Variants in PRPF3 observed in about 807,000 individuals in gnomAD.
PRPF3 encodes the protein pre-mRNA processing factor 3.
PRPF3 carries 3 observed loss-of-function variants against 89.2 expected under a neutral mutation model. The observed-to-expected ratio is 0.03, with a 90% CI of 0.02 to 0.09. The LOEUF (loss-of-function observed/expected upper bound fraction) is 0.09, where lower values mean the gene tolerates loss of function less well. Ranked by LOEUF, PRPF3 falls within the 10% of genes least tolerant of loss-of-function variation. The probability of loss-of-function intolerance (pLI) is 1.00; values close to 1 mark genes in which losing one functional copy is unlikely to be tolerated. For synonymous variants in PRPF3, 270 were observed against 289.1 expected (o/e 0.93, Z 0.67); for missense variants, 463 against 828.8 (o/e 0.56, Z 5.42).
At position 150,339,434 on chromosome 1, in the gene PRPF3, AT is replaced by A. The variant is rs1191592185; in HGVS notation, c.1203-948del. Among the ~76,000 whole-genome samples the A allele has an allele frequency of 7.6e-3, 1,034 of 136,280 alleles. 5 individuals are homozygous for A. The highest frequency in any genetic ancestry group is 0.011 in the Non-Finnish European group (719 of 62,712). The allele number at this position is 136,280 out of a possible 152,430, so 89.4% of individuals were successfully genotyped here. ...AGCTTTAAATATATCTGCTCCATCC[AT>A]TTTTTTTTTTTTTTTCCTGAGACGG... is the stretch of plus-strand genomic sequence containing the variant. On this transcript the variant is annotated intron_variant, in intron 8 of 15. Coordinates refer to ENST00000324862, the MANE Select transcript of PRPF3 (RefSeq NM_004698.4).
chr1:150,324,015 G>A lies in PRPF3; in HGVS notation c.-48-880G>A, dbSNP rs1295204144. 7.2e-5 allele frequency among the ~76,000 whole-genome samples: 11 copies of A among 151,898 alleles called. No individual in the cohort carries two copies. In the East Asian group the frequency reaches 7.8e-4, roughly 11 times the overall value. Reference sequence around the variant, plus strand: ...AGGCTGGTCTTGAACTCCTGACCTCGTGATCCACCTGCCTCAGCCTCCCAA... The same window carrying A: ...AGGCTGGTCTTGAACTCCTGACCTCATGATCCACCTGCCTCAGCCTCCCAA... On this transcript the variant is annotated intron_variant, in intron 1 of 15. Coordinates refer to ENST00000324862, the MANE Select transcript of PRPF3 (RefSeq NM_004698.4).
intron 9 of PRPF3, 56 bp from the exon 10 acceptor site, chr1:150,343,253 A>G (rs1257918854): frequency 9.0e-6 from 9 of 1,004,848 alleles, no homozygotes; most frequent in Non-Finnish European, 1.1e-5. Flanking sequence ...AAAAAAATAT[A>G]TATATATATA....
chr1:150,327,764 C>G, intron 3 of PRPF3: 1 of 416,912 alleles, frequency 2.4e-6, no homozygotes, highest in Non-Finnish European at 3.2e-6. Flanking sequence ...TTGATGAAAA[C>G]AAAGTGTTAA....
chr1:150,340,269 G>T, intron 8 of PRPF3, 129 bp from the exon 9 acceptor site: 1 of 695,074 alleles, frequency 1.4e-6, no homozygotes. Context: ...GTACCTAAAT[G>T]CTATTTTAGG....
chr1:150,328,953 G>C (rs1656026049), intron 4 of PRPF3, among the ~76,000 whole-genome samples: 1 of 151,896 alleles, frequency 6.6e-6, no homozygotes, highest in Non-Finnish European at 1.5e-5. Context: ...TCGCCTCCCA[G>C]AGTGCTGGGA....
At chr1:150,335,361 C>G in intron 7 of PRPF3, 120 bp downstream of exon 7, 1 of 1,233,082 alleles carries the variant, frequency 8.1e-7, no homozygotes, top group East Asian at 2.5e-5. Flanking sequence ...CAGCAGTCCT[C>G]AACCTTTTTG....
intron 1 of PRPF3, among the ~76,000 whole-genome samples, chr1:150,323,173 C>CCTTT (rs1655276266): frequency 2.1e-5 from 1 of 48,270 alleles, no homozygotes; most frequent in African/African-American, 9.7e-5. Context: ...CCGCACCTGG[C>CCTTT]TTTTTTTTTT....
intron 9 of PRPF3, among the ~76,000 whole-genome samples, chr1:150,340,852 G>T (rs781788964): frequency 9.2e-5 from 14 of 152,084 alleles, no homozygotes; most frequent in Non-Finnish European, 1.5e-4. Context: ...GCTTATGCCT[G>T]TAATCACTGC....
intron 3 of PRPF3, chr1:150,327,513 C>G: frequency 1.0e-6 from 1 of 956,812 alleles, no homozygotes; most frequent in Non-Finnish European, 1.2e-6. Context: ...AGGTCCCCAC[C>G]CCACACAATA....
Position 150,335,775 on chromosome 1 carries a change from T to TTG in PRPF3, c.1035+534_1035+535insTG, listed in dbSNP as rs1240296099. On this transcript the variant is annotated intron_variant, in intron 7 of 15. Coordinates refer to ENST00000324862, the MANE Select transcript of PRPF3 (RefSeq NM_004698.4). ...CCACCGCCCCCGCCTTTTTTTTTTT[T>TTG]GGGCGGGGAGGGGGATGGAGTCTTG... 8.8e-3 allele frequency among the ~76,000 whole-genome samples: 1,311 copies of TTG among 149,364 alleles called. 28 individuals carry two copies. The highest frequency in any genetic ancestry group is 0.03 in the African/African-American group (1,230 of 40,432).
At chr1:150,342,863 CT>C (rs1553871723) in intron 9 of PRPF3, among the ~76,000 whole-genome samples, 6 of 152,056 alleles carry the variant, frequency 3.9e-5, no homozygotes, top group Admixed American at 3.3e-4. Flanking sequence ...AGAGTTGGGT[CT>C]CACTTGGTTG....
rs71083901 is a variant in PRPF3, at chr1:150,323,173, C to CTTTTTTTTTTT, written c.-49+1595_-49+1605dup. Among the ~76,000 whole-genome samples, 148 of 48,288 alleles carry CTTTTTTTTTTT rather than the reference C, an allele frequency of 3.1e-3. 42 individuals carry two copies. Among genetic ancestry groups the CTTTTTTTTTTT allele is most frequent in the South Asian group, 3.4e-3 (3 of 872 alleles). The allele number at this position is 48,288 out of a possible 152,430, so 31.7% of individuals were successfully genotyped here. A position where few individuals can be genotyped will look rare whatever the true frequency, so the allele number is the denominator to read the frequency against. ...TACAGGCGTGAGCCACCGCACCTGGCTTTTTTTTTTTTTTTTTTTTTTTTG... is the reference window on the plus strand; with the variant it reads ...TACAGGCGTGAGCCACCGCACCTGGCTTTTTTTTTTTTTTTTTTTTTTTTTTTTTTTTTTTG... On this transcript the variant is annotated intron_variant, in intron 1 of 15. Coordinates refer to ENST00000324862, the MANE Select transcript of PRPF3 (RefSeq NM_004698.4).
At position 150,343,325 on chromosome 1, in the gene PRPF3, A is replaced by C; in HGVS notation, c.1299A>C (p.Pro433=). ...QLNPPVDNDT[P]VTLGVYLTKK... Reference sequence around the variant, plus strand: ...GCCTGACAGTTGACAATGACACACCAGTTACTCTGGGAGTATATCTTACCA... The same window carrying C: ...GCCTGACAGTTGACAATGACACACCCGTTACTCTGGGAGTATATCTTACCA... The change falls in exon 10 of 16, where the codon CCA becomes CCC. Residue 433 remains proline, a synonymous_variant. Transcript: ENST00000324862. 2 of 1,611,640 alleles carry C rather than the reference A, an allele frequency of 1.2e-6. No homozygotes were observed. The highest frequency in any genetic ancestry group is 1.7e-6 in the Non-Finnish European group (2 of 1,179,196).
At position 150,337,553 on chromosome 1, in the gene PRPF3, G is replaced by A. The variant is rs1484369864; in HGVS notation, c.1036-607G>A. ...TTTGGGATTCTTGGCCGAGGTGGGC[G>A]AATCACTAGGTCAGGAGATCGAGAC... is the stretch of plus-strand genomic sequence containing the variant. On this transcript the variant is annotated intron_variant, in intron 7 of 15. Transcript: ENST00000324862. Among the ~76,000 whole-genome samples the A allele has an allele frequency of 4.0e-5, 6 of 151,360 alleles. No individual in the cohort carries two copies. The South Asian group carries it at 8.4e-4, about 21-fold the overall frequency.
intron 15 of PRPF3, 30 bp from the exon 16 acceptor site, chr1:150,352,803 A>C (rs1553874693): frequency 6.2e-7 from 1 of 1,607,722 alleles, no homozygotes; most frequent in East Asian, 2.2e-5. Context: ...TAAGAAATTG[A>C]AGTGTTTTTA....
intron 6 of PRPF3, among the ~76,000 whole-genome samples, chr1:150,333,540 C>G (rs1195444838): frequency 6.6e-6 from 1 of 152,132 alleles, no homozygotes; most frequent in East Asian, 1.9e-4. Context: ...GCGTGGGTGA[C>G]AGAGGGAGAC....
intron 1 of PRPF3, among the ~76,000 whole-genome samples, chr1:150,323,769 A>G (rs1388785905): frequency 1.4e-5 from 2 of 138,250 alleles, no homozygotes; most frequent in Non-Finnish European, 3.0e-5. Context: ...GAGAAATGTG[A>G]CAGAACATTC....
chr1:150,334,400 T>C (rs1213379393), intron 6 of PRPF3, among the ~76,000 whole-genome samples: 1 of 152,158 alleles, frequency 6.6e-6, no homozygotes, highest in African/African-American at 2.4e-5. Flanking sequence ...GGAGTCTCAC[T>C]CTGTCACCCA....
At chr1:150,337,039 C>T (rs1657080019) in intron 7 of PRPF3, among the ~76,000 whole-genome samples, 3 of 20,684 alleles carry the variant, frequency 1.5e-4, no homozygotes, top group African/African-American at 2.1e-4. Context: ...TCATAAAATT[C>T]CTTTTTTTTT....
Sources: gnomAD v4.1 joint callset for allele counts (sites outside exome capture counted in the v4.1 genomes callset) on GRCh38, gnomAD v4.1.1 for gene constraint, MANE v1.5 for transcripts, NCBI Gene and HGNC (gene_info 2026-07-23, HGNC 2026-07-21) for gene names.